Variants in CNTNAP2 observed in about 807,000 individuals in gnomAD.
CNTNAP2 encodes the protein contactin-associated protein-like 2.
In CNTNAP2, 98 loss-of-function variants were observed where a neutral mutation model predicts 155.2. That is an observed-to-expected ratio of 0.63 (90% CI 0.54 to 0.75). The LOEUF (loss-of-function observed/expected upper bound fraction) is 0.75. Among genes scored for constraint, CNTNAP2 ranks in the 30% least tolerant of loss-of-function variants. The pLI, the probability that CNTNAP2 is intolerant of heterozygous loss-of-function variation, is 0.00. For synonymous variants in CNTNAP2, 651 were observed against 631.2 expected (o/e 1.03, Z -0.47); for missense variants, 1,727 against 1,688.1 (o/e 1.02, Z -0.40).
At chr7:147,253,381 CTGTTTTTTT>C (rs1804247163) in intron 8 of CNTNAP2, among the ~76,000 whole-genome samples, 1 of 131,964 alleles carries the variant, frequency 7.6e-6, no homozygotes, top group Non-Finnish European at 1.6e-5. Flanking sequence ...AACAGGTTCT[CTGTTTTTTT>C]TTTTTTTTTT....
chr7:147,936,276 T>C (rs1334600214), intron 14 of CNTNAP2, among the ~76,000 whole-genome samples: 1 of 151,050 alleles, frequency 6.6e-6, no homozygotes, highest in Non-Finnish European at 1.5e-5. Context: ...CAGGGTTGTG[T>C]ATACTGTACA....
intron 13 of CNTNAP2, among the ~76,000 whole-genome samples, chr7:147,763,347 C>G (rs573404991): frequency 6.6e-6 from 1 of 150,728 alleles, no homozygotes; most frequent in African/African-American, 2.4e-5. Context: ...TTATGAGATG[C>G]AGGCTGTTTG....
At chr7:147,532,258 C>T (rs1010254329) in intron 11 of CNTNAP2, among the ~76,000 whole-genome samples, 1 of 152,188 alleles carries the variant, frequency 6.6e-6, no homozygotes, top group Non-Finnish European at 1.5e-5. Context: ...TGCCGTAAAT[C>T]AACTCTCTCA....
At chr7:146,647,173 T>G (rs1799826657) in intron 1 of CNTNAP2, among the ~76,000 whole-genome samples, 1 of 152,082 alleles carries the variant, frequency 6.6e-6, no homozygotes, top group South Asian at 2.1e-4. Flanking sequence ...GAAGGAGGAA[T>G]CCAGCAATGC....
chr7:147,396,182 CATATAT>C (rs58129350), intron 10 of CNTNAP2, among the ~76,000 whole-genome samples: 32 of 145,442 alleles, frequency 2.2e-4, no homozygotes, highest in Admixed American at 1.5e-3. Context: ...ATATATATAG[CATATAT>C]ATATATATAT....
chr7:146,779,504 C>T (rs576983009), intron 2 of CNTNAP2, among the ~76,000 whole-genome samples: 17 of 152,140 alleles, frequency 1.1e-4, no homozygotes, highest in African/African-American at 3.6e-4. Flanking sequence ...AATGATGGTG[C>T]CTAAAATGAG....
chr7:146,926,949 AC>A (rs1020501082), intron 3 of CNTNAP2, among the ~76,000 whole-genome samples: 4 of 152,136 alleles, frequency 2.6e-5, no homozygotes, highest in African/African-American at 9.7e-5. Context: ...TCAGCCTTTA[AC>A]CCCGAAGCCA....
At chr7:146,588,239 A>G (rs983277120) in intron 1 of CNTNAP2, among the ~76,000 whole-genome samples, 7 of 152,106 alleles carry the variant, frequency 4.6e-5, no homozygotes, top group African/African-American at 1.7e-4. Flanking sequence ...ATTTTCTTCA[A>G]CTTTAAAGTA....
intron 10 of CNTNAP2, among the ~76,000 whole-genome samples, chr7:147,465,869 C>A (rs1798111316): frequency 6.6e-6 from 1 of 152,098 alleles, no homozygotes; most frequent in Admixed American, 6.5e-5. Flanking sequence ...TGGGGCAAAC[C>A]TTATGGTATC....
At chr7:148,198,997 G>A (rs1465742020) in intron 18 of CNTNAP2, among the ~76,000 whole-genome samples, 1 of 152,160 alleles carries the variant, frequency 6.6e-6, no homozygotes, top group Admixed American at 6.5e-5. Flanking sequence ...AAACAATGGG[G>A]TGTGGAATGG....
intron 1 of CNTNAP2, among the ~76,000 whole-genome samples, chr7:146,602,884 C>A (rs1798972963): frequency 7.0e-6 from 1 of 143,774 alleles, no homozygotes; most frequent in Admixed American, 6.8e-5. Flanking sequence ...CAGGGTCATT[C>A]TATCTTGGAG....
At chr7:148,019,685 G>A (rs574303603) in intron 15 of CNTNAP2, among the ~76,000 whole-genome samples, 5 of 152,146 alleles carry the variant, frequency 3.3e-5, no homozygotes, top group South Asian at 4.1e-4. Flanking sequence ...TCGAACTCCT[G>A]GCCTCAAGTG....
intron 9 of CNTNAP2, among the ~76,000 whole-genome samples, chr7:147,357,880 C>T (rs1315469878): frequency 6.6e-6 from 1 of 151,950 alleles, no homozygotes; most frequent in East Asian, 1.9e-4. Flanking sequence ...GATACTTAAC[C>T]AGTTGCCTGC....
intron 1 of CNTNAP2, among the ~76,000 whole-genome samples, chr7:146,570,027 A>C (rs1798417209): frequency 6.6e-6 from 1 of 152,208 alleles, no homozygotes. Flanking sequence ...AAGGTGTGCA[A>C]GTCACTCTAC....
At chr7:148,023,355 A>C (rs929142670) in intron 15 of CNTNAP2, among the ~76,000 whole-genome samples, 5 of 152,230 alleles carry the variant, frequency 3.3e-5, no homozygotes, top group Admixed American at 2.6e-4. Flanking sequence ...TGTGTGCCGG[A>C]GTGATTAATG....
intron 13 of CNTNAP2, among the ~76,000 whole-genome samples, chr7:147,681,258 T>A (rs1383379714): frequency 6.6e-6 from 1 of 152,020 alleles, no homozygotes; most frequent in African/African-American, 2.4e-5. Context: ...AAGCTTTTCT[T>A]AAATCTCTAA....
intron 10 of CNTNAP2, among the ~76,000 whole-genome samples, chr7:147,449,897 A>C (rs1035339685): frequency 6.6e-6 from 1 of 152,164 alleles, no homozygotes; most frequent in African/African-American, 2.4e-5. Context: ...AGCCAATCAC[A>C]TTAACTCTAT....
At chr7:146,864,091 A>T (rs1795156178) in intron 3 of CNTNAP2, among the ~76,000 whole-genome samples, 1 of 152,062 alleles carries the variant, frequency 6.6e-6, no homozygotes, top group Non-Finnish European at 1.5e-5. Flanking sequence ...GTATAATATC[A>T]TTCAGTGTTT....
intron 2 of CNTNAP2, among the ~76,000 whole-genome samples, chr7:146,789,380 G>A (rs1227915896): frequency 1.3e-5 from 2 of 152,060 alleles, no homozygotes; most frequent in African/African-American, 4.8e-5. Context: ...TCTGAGAAGC[G>A]TATATTGAGT....
Sources: allele counts gnomAD v4.1 joint callset (sites outside exome capture counted in the v4.1 genomes callset), GRCh38; gene constraint gnomAD v4.1.1; transcripts MANE v1.5; gene names NCBI Gene and HGNC (gene_info 2026-07-23, HGNC 2026-07-21).